The following AGO3 variants were observed in gnomAD, a reference collection of about 807,000 sequenced individuals.
AGO3 encodes the protein argonaute RISC catalytic component 3.
AGO3 carries 16 observed loss-of-function variants against 105.5 expected under a neutral mutation model. The ratio of observed to expected loss-of-function variants is 0.15; its 90% CI spans 0.10 to 0.23. The LOEUF is 0.23. Ranked by LOEUF, AGO3 falls within the 10% of genes least tolerant of loss-of-function variation. AGO3 has a pLI of 1.00. For missense variants in AGO3, 534 were observed against 1,088.0 expected, an observed-to-expected ratio of 0.49 and a Z score of 7.16; for synonymous variants, 340 against 367.3, an observed-to-expected ratio of 0.93 and a Z score of 0.85.
At chr1:35,975,264 C>A (rs1646935709) in intron 5 of AGO3, among the ~76,000 whole-genome samples, 1 of 152,100 alleles carries the variant, frequency 6.6e-6, no homozygotes. Flanking sequence ...TCATCAAACT[C>A]TTAGATTTTC....
At position 36,055,568 on chromosome 1, in the gene AGO3, A is replaced by G. The variant is rs987266970; in HGVS notation, c.2475-69A>G. 5.1e-5 allele frequency: 71 copies of G among 1,399,536 alleles called. No individual in the cohort carries two copies. In the African/African-American group the frequency reaches 7.2e-4, roughly 14 times the overall value. The allele number at this position is 1,399,536 out of a possible 1,614,324, so 86.7% of individuals were successfully genotyped here. On this transcript the variant is annotated intron_variant, in intron 18 of 18. Coordinates refer to ENST00000373191, the MANE Select transcript of AGO3 (RefSeq NM_024852.4). The surrounding 1 kb of genome is among the most constrained non-coding windows in gnomAD (Gnocchi z 4.4). ...AATTTTGAAATTTTCTACAACAAAT[A>G]GTATTTTTCGGAATTATTACATCAG...
At chr1:35,946,234 AT>A (rs1466253387) in intron 2 of AGO3, among the ~76,000 whole-genome samples, 1 of 152,128 alleles carries the variant, frequency 6.6e-6, no homozygotes, top group Non-Finnish European at 1.5e-5. Context: ...TCCCTTTAAG[AT>A]GACGGTGGTG....
At chr1:35,982,768 A>G (rs956888336) in intron 5 of AGO3, 4 of 629,888 alleles carry the variant, frequency 6.4e-6, no homozygotes, top group South Asian at 3.9e-5. Context: ...AGCTGAAAAA[A>G]TAGGTTTAAG....
intron 5 of AGO3, among the ~76,000 whole-genome samples, chr1:35,988,732 G>A (rs966121062): frequency 9.2e-5 from 14 of 152,042 alleles, no homozygotes; most frequent in African/African-American, 3.4e-4. Flanking sequence ...TAATGCTGCA[G>A]TGAACATGGG....
At chr1:36,037,956 T>A (rs892488300) in intron 14 of AGO3, among the ~76,000 whole-genome samples, 1 of 152,202 alleles carries the variant, frequency 6.6e-6, no homozygotes, top group African/African-American at 2.4e-5. Context: ...ATACCCACTT[T>A]CTTTTGTGGT....
intron 16 of AGO3, among the ~76,000 whole-genome samples, chr1:36,043,077 A>C (rs1043415134): frequency 1.6e-4 from 25 of 152,198 alleles, no homozygotes; most frequent in African/African-American, 6.0e-4. Flanking sequence ...TCTCCAAGGT[A>C]AATGCTGATC....
intron 12 of AGO3, among the ~76,000 whole-genome samples, chr1:36,028,853 T>A (rs957576404): frequency 2.0e-5 from 3 of 152,150 alleles, no homozygotes; most frequent in Non-Finnish European, 4.4e-5. Context: ...CTAGTCTATT[T>A]ATTTTTTTGT....
intron 1 of AGO3, among the ~76,000 whole-genome samples, chr1:35,937,089 G>A (rs1489852278): frequency 6.6e-6 from 1 of 152,088 alleles, no homozygotes; most frequent in Non-Finnish European, 1.5e-5. Flanking sequence ...CAAGGGAAAT[G>A]TCCCCTTTTA....
chr1:36,042,655 G>A (rs962770472), intron 16 of AGO3, among the ~76,000 whole-genome samples: 1 of 152,142 alleles, frequency 6.6e-6, no homozygotes, highest in African/African-American at 2.4e-5. Context: ...TTTTAAATGT[G>A]TTGGGATAAG....
chr1:36,046,563 C>T lies in AGO3; in HGVS notation c.2274+3015C>T, dbSNP rs181514401. On this transcript the variant is annotated intron_variant, in intron 17 of 18. Transcript: ENST00000373191. Reference sequence around the variant, plus strand: ...AAAACAAATTAGTTGGACGTCATGGCGCGCGCCTGTAGTCCCAGCTACTCC... The same window carrying T: ...AAAACAAATTAGTTGGACGTCATGGTGCGCGCCTGTAGTCCCAGCTACTCC... Among the ~76,000 whole-genome samples, 974 of 135,014 alleles carry T rather than the reference C, an allele frequency of 7.2e-3. 8 individuals carry two copies. The highest frequency in any genetic ancestry group is 0.025 in the African/African-American group (925 of 36,998). The allele number at this position is 135,014 out of a possible 152,430, so 88.6% of individuals were successfully genotyped here.
At chr1:35,948,800 T>G (rs191903575) in intron 2 of AGO3, among the ~76,000 whole-genome samples, 2 of 152,256 alleles carry the variant, frequency 1.3e-5, no homozygotes, top group Admixed American at 1.3e-4. Context: ...TTTAGGTTGC[T>G]TTATCTTACA....
Position 35,939,356 on chromosome 1 carries a change from A to G in AGO3, c.20-6336A>G, listed in dbSNP as rs369296559. 1.1e-4 allele frequency among the ~76,000 whole-genome samples: 17 copies of G among 152,270 alleles called. No individual in the cohort carries two copies. In the East Asian group the frequency reaches 1.5e-3, roughly 14 times the overall value. ...CAAATTATTTAAAAAGCACCAGGTA[A>G]AGTAATGACCATGGAGAAAAAAATT... On this transcript the variant is annotated intron_variant, in intron 1 of 18. Coordinates refer to ENST00000373191, the MANE Select transcript of AGO3 (RefSeq NM_024852.4).
chr1:36,036,049 A>G (rs1442211676), intron 13 of AGO3, 128 bp from the exon 14 acceptor site: 9 of 786,980 alleles, frequency 1.1e-5, no homozygotes, highest in Non-Finnish European at 1.7e-5. Flanking sequence ...AAAAAAAAAA[A>G]AAAATTTGGA....
chr1:36,066,743 A>G lies in AGO3; in HGVS notation c.*10998A>G, dbSNP rs936535615. 6.6e-6 allele frequency: 1 copy of G among 152,168 alleles called. No homozygotes were observed. The highest frequency in any genetic ancestry group is 2.4e-5 in the African/African-American group (1 of 41,456). The allele number at this position is 152,168 out of a possible 1,614,324, so 9.4% of individuals were successfully genotyped here. ...AAAAATGTTGCATACGTGACTCTTTATTGTCAGAATCTGTAGAAACTGGAG... is the reference window on the plus strand; with the variant it reads ...AAAAATGTTGCATACGTGACTCTTTGTTGTCAGAATCTGTAGAAACTGGAG... On this transcript the variant is annotated 3_prime_UTR_variant, in exon 19 of 19. Coordinates refer to ENST00000373191, the MANE Select transcript of AGO3 (RefSeq NM_024852.4).
At chr1:36,015,406 A>C (rs564245422) in intron 11 of AGO3, among the ~76,000 whole-genome samples, 1 of 152,144 alleles carries the variant, frequency 6.6e-6, no homozygotes, top group Non-Finnish European at 1.5e-5. Context: ...TGGATGCTTC[A>C]TTACATAGGC....
intron 5 of AGO3, among the ~76,000 whole-genome samples, chr1:35,988,827 T>C (rs1647349175): frequency 2.0e-5 from 3 of 152,172 alleles, no homozygotes; most frequent in Non-Finnish European, 4.4e-5. Flanking sequence ...GTAGTAGTTC[T>C]ATTTTTAATT....
chr1:35,942,242 T>C (rs527414694), intron 1 of AGO3, among the ~76,000 whole-genome samples: 1 of 152,374 alleles, frequency 6.6e-6, no homozygotes, highest in Admixed American at 6.5e-5. Flanking sequence ...GCCCAATTTT[T>C]TATTCCTGAT....
At position 35,961,623 on chromosome 1, in the gene AGO3, T is replaced by C. The variant is rs186806887; in HGVS notation, c.192-5332T>C. Among the ~76,000 whole-genome samples the C allele has an allele frequency of 2.6e-5, 4 of 152,356 alleles. No individual in the cohort carries two copies. The South Asian group carries it at 6.2e-4, about 24-fold the overall frequency. On this transcript the variant is annotated intron_variant, in intron 2 of 18. Coordinates refer to ENST00000373191, the MANE Select transcript of AGO3 (RefSeq NM_024852.4). Reference sequence around the variant, plus strand: ...AACCAGACTTGGTTTGATTTATTTTTACTCATATTACATGATTTCCTATCA... The same window carrying C: ...AACCAGACTTGGTTTGATTTATTTTCACTCATATTACATGATTTCCTATCA...
intron 16 of AGO3, among the ~76,000 whole-genome samples, chr1:36,043,009 C>T (rs1642313283): frequency 1.3e-5 from 2 of 152,168 alleles, no homozygotes; most frequent in South Asian, 4.1e-4. Flanking sequence ...AAATGGTTAA[C>T]AAATGGTGTG....
Sources: allele counts gnomAD v4.1 joint callset (sites outside exome capture counted in the v4.1 genomes callset), GRCh38; gene constraint gnomAD v4.1.1; non-coding constraint Gnocchi (gnomAD v3.1); transcripts MANE v1.5; gene names NCBI Gene and HGNC (gene_info 2026-07-23, HGNC 2026-07-21).